Variants in PCED1B observed in about 807,000 individuals in gnomAD.
The protein encoded by PCED1B is PC-esterase domain-containing protein 1B.
For missense variants in PCED1B, 573 were observed against 573.9 expected, an observed-to-expected ratio of 1.00 and a Z score of 0.02; for synonymous variants, 251 against 246.1, an observed-to-expected ratio of 1.02 and a Z score of -0.19.
intron 2 of PCED1B, among the ~76,000 whole-genome samples, chr12:47,188,451 A>G (rs980252061): frequency 2.0e-5 from 3 of 152,082 alleles, no homozygotes; most frequent in African/African-American, 7.2e-5. Context: ...AATCTAATCT[A>G]TCTCAATGAA....
intron 3 of PCED1B, among the ~76,000 whole-genome samples, chr12:47,218,894 A>T (rs1943387096): frequency 6.6e-6 from 1 of 152,002 alleles, no homozygotes; most frequent in African/African-American, 2.4e-5. Flanking sequence ...TAATCCCAGC[A>T]CTTTGGGAGG....
In PCED1B at chr12:47,235,836, A is replaced by G. The variant is rs746048109; in HGVS notation, c.773A>G (p.His258Arg). The G allele has an allele frequency of 6.4e-7, 1 of 1,574,620 alleles. No individual in the cohort carries two copies. The highest frequency in any genetic ancestry group is 8.6e-7 in the Non-Finnish European group (1 of 1,160,366). The change falls in exon 4 of 4, where the codon CAC becomes CGC. Residue 258 changes from histidine (H) to arginine (R), a missense_variant. By Grantham distance (29) the His-to-Arg change is conservative (BLOSUM62 0). Transcript: ENST00000546455. ...VADAWGVELP[H>R]RHPVGEWIKK... ...GACGCCTGGGGTGTGGAGCTGCCCC[A>G]CCGCCACCCCGTGGGCGAGTGGATC... is the stretch of plus-strand genomic sequence containing the variant.
intron 1 of PCED1B, among the ~76,000 whole-genome samples, chr12:47,085,957 A>G (rs988659538): frequency 6.6e-6 from 1 of 152,176 alleles, no homozygotes; most frequent in African/African-American, 2.4e-5. Flanking sequence ...TTGAGGCATG[A>G]TAATTGCTGT....
At chr12:47,223,275 C>T (rs1943540152) in intron 3 of PCED1B, among the ~76,000 whole-genome samples, 1 of 152,116 alleles carries the variant, frequency 6.6e-6, no homozygotes, top group Non-Finnish European at 1.5e-5. Flanking sequence ...ACCCCTCATA[C>T]TGTAAGAACC....
chr12:47,129,222 C>A (rs1422862273), intron 2 of PCED1B, among the ~76,000 whole-genome samples: 2 of 152,126 alleles, frequency 1.3e-5, no homozygotes, highest in African/African-American at 4.8e-5. Flanking sequence ...CCTGTAATCC[C>A]AACACTTTGG....
intron 2 of PCED1B, among the ~76,000 whole-genome samples, chr12:47,157,217 ATCTTGTTAATTATATTAATTAC>A (rs1043583538): frequency 6.6e-6 from 1 of 152,180 alleles, no homozygotes; most frequent in African/African-American, 2.4e-5. Flanking sequence ...AAAAAATCCC[ATCTTGTTAATTATATTAATTAC>A]AAAATTAATT....
intron 2 of PCED1B, among the ~76,000 whole-genome samples, chr12:47,131,673 C>CTTTTTTTTTTTTTTT (rs760678015): frequency 0.019 from 2,453 of 126,984 alleles, 159 homozygotes; most frequent in African/African-American, 0.042. Context: ...TGTTTTACTT[C>CTTTTTTTTTTTTTTT]TTTTTTTTTT....
chr12:47,201,298 C>T (rs1942756032), intron 2 of PCED1B, among the ~76,000 whole-genome samples: 1 of 152,068 alleles, frequency 6.6e-6, no homozygotes, highest in Non-Finnish European at 1.5e-5. Context: ...ATCAATCAGA[C>T]GAATTCCTTG....
chr12:47,100,241 G>C (rs923497729), intron 1 of PCED1B, among the ~76,000 whole-genome samples: 1 of 152,168 alleles, frequency 6.6e-6, no homozygotes, highest in Non-Finnish European at 1.5e-5. Context: ...TATATGGAAA[G>C]AAAAGAAAAT....
At position 47,235,836 on chromosome 12, in the gene PCED1B, A is replaced by C. The variant is rs746048109; in HGVS notation, c.773A>C (p.His258Pro). ...GACGCCTGGGGTGTGGAGCTGCCCC[A>C]CCGCCACCCCGTGGGCGAGTGGATC... The part of the protein sequence containing the change: ...VADAWGVELP[H>P]RHPVGEWIKK... Residue 258 changes from histidine (H) to proline (P), a missense_variant, in exon 4 of 4, where the codon CAC becomes CCC. Transcript: ENST00000546455. 1.9e-6 allele frequency: 3 copies of C among 1,574,502 alleles called. No individual in the cohort carries two copies. The highest frequency in any genetic ancestry group is 2.7e-5 in the African/African-American group (2 of 73,720).
chr12:47,221,904 C>A (rs1943487980), intron 3 of PCED1B, among the ~76,000 whole-genome samples: 1 of 151,550 alleles, frequency 6.6e-6, no homozygotes, highest in African/African-American at 2.4e-5. Flanking sequence ...GAGTTCAAGA[C>A]CAGACTGGGC....
intron 2 of PCED1B, among the ~76,000 whole-genome samples, chr12:47,146,996 C>CTCTT (rs1940811442): frequency 1.3e-5 from 1 of 79,420 alleles, no homozygotes; most frequent in South Asian, 4.8e-4. Flanking sequence ...TAGTTCATTG[C>CTCTT]TCTTTTTTTT....
intron 1 of PCED1B, among the ~76,000 whole-genome samples, chr12:47,082,886 A>G (rs1202545789): frequency 6.6e-6 from 1 of 151,790 alleles, no homozygotes; most frequent in Middle Eastern, 3.2e-3. Context: ...AGGATGCGAT[A>G]GATATTCCTC....
intron 2 of PCED1B, among the ~76,000 whole-genome samples, chr12:47,173,914 T>C (rs906411178): frequency 6.6e-6 from 1 of 152,204 alleles, no homozygotes; most frequent in Non-Finnish European, 1.5e-5. Flanking sequence ...AAGACTATTC[T>C]TATTCAGATC....
intron 2 of PCED1B, among the ~76,000 whole-genome samples, chr12:47,124,796 A>G (rs1179916768): frequency 6.6e-6 from 1 of 151,810 alleles, no homozygotes; most frequent in African/African-American, 2.4e-5. Flanking sequence ...TCATGTCCTT[A>G]TTTGCCATCT....
At chr12:47,084,015 A>G (rs759006747) in intron 1 of PCED1B, among the ~76,000 whole-genome samples, 1 of 152,232 alleles carries the variant, frequency 6.6e-6, no homozygotes, top group Non-Finnish European at 1.5e-5. Flanking sequence ...TATATTCACA[A>G]TACTGTGCAA....
chr12:47,143,766 T>TTGAACAGGAAGAAC (rs1191232174), intron 2 of PCED1B, among the ~76,000 whole-genome samples: 1 of 148,980 alleles, frequency 6.7e-6, no homozygotes, highest in Non-Finnish European at 1.5e-5. Flanking sequence ...CCTGAATAGT[T>TTGAACAGGAAGAAC]AAAACAATCT....
intron 2 of PCED1B, among the ~76,000 whole-genome samples, chr12:47,122,428 A>C (rs1565760925): frequency 6.6e-6 from 1 of 152,230 alleles, no homozygotes; most frequent in Admixed American, 6.5e-5. Flanking sequence ...CATTGTCTGG[A>C]TGTGACTTAC....
At chr12:47,123,215 G>A (rs1322752836) in intron 2 of PCED1B, among the ~76,000 whole-genome samples, 1 of 152,132 alleles carries the variant, frequency 6.6e-6, no homozygotes, top group Non-Finnish European at 1.5e-5. Flanking sequence ...ACAGCTAGTG[G>A]TCAAAAAACC....
Sources: gnomAD v4.1 joint callset for allele counts (sites outside exome capture counted in the v4.1 genomes callset) on GRCh38, gnomAD v4.1.1 for gene constraint, MANE v1.5 for transcripts, NCBI Gene and HGNC (gene_info 2026-07-23, HGNC 2026-07-21) for gene names.